Variants in PTGER4 observed in about 807,000 individuals in gnomAD.
PTGER4 encodes the protein prostaglandin E receptor 4, also known as prostaglandin E2 receptor EP4 subtype.
In PTGER4, 11 loss-of-function variants were observed where a neutral mutation model predicts 33.2. The ratio of observed to expected loss-of-function variants is 0.33; its 90% CI spans 0.21 to 0.55. The LOEUF (loss-of-function observed/expected upper bound fraction) is 0.55, where lower values mean the gene tolerates loss of function less well. PTGER4 is among the 20% of genes least tolerant of loss of function. PTGER4 has a pLI of 0.92. For missense variants in PTGER4, 481 were observed against 650.2 expected, an observed-to-expected ratio of 0.74 and a Z score of 2.83; for synonymous variants, 275 against 281.5, an observed-to-expected ratio of 0.98 and a Z score of 0.23.
chr5:40,725,887 G>A, the PTGER4 span, among the ~76,000 whole-genome samples: 17 of 148,754 alleles, frequency 1.1e-4, no homozygotes, highest in African/African-American at 4.2e-4. Context: ...CCAGGTTCAC[G>A]CCATTCTCCT....
the PTGER4 span, among the ~76,000 whole-genome samples, chr5:40,745,162 A>G: frequency 6.6e-6 from 1 of 152,228 alleles, no homozygotes; most frequent in South Asian, 2.1e-4. Context: ...ATAATAACCA[A>G]ATATAATCTG....
At chr5:40,706,333 G>A in the PTGER4 span, among the ~76,000 whole-genome samples, 5 of 152,116 alleles carry the variant, frequency 3.3e-5, no homozygotes, top group Non-Finnish European at 7.4e-5. Flanking sequence ...CCTGAGTGGG[G>A]AGGGTGGCAG....
chr5:40,746,163 A>T, the PTGER4 span, among the ~76,000 whole-genome samples: 4 of 152,152 alleles, frequency 2.6e-5, no homozygotes, highest in African/African-American at 9.7e-5. Flanking sequence ...ATGAAAAATG[A>T]TTTTTGGTCC....
the PTGER4 span, among the ~76,000 whole-genome samples, chr5:40,725,686 T>C: frequency 6.6e-6 from 1 of 152,002 alleles, no homozygotes; most frequent in Non-Finnish European, 1.5e-5. Context: ...TCCTTCCCTC[T>C]CTACCTTCTT....
the PTGER4 span, among the ~76,000 whole-genome samples, chr5:40,700,095 C>G: frequency 6.6e-6 from 1 of 152,196 alleles, no homozygotes; most frequent in African/African-American, 2.4e-5. Context: ...CAAATGAATT[C>G]ATCAAGGCTA....
At chr5:40,738,953 C>T in the PTGER4 span, among the ~76,000 whole-genome samples, 10 of 152,302 alleles carry the variant, frequency 6.6e-5, no homozygotes, top group Middle Eastern at 3.4e-3. Flanking sequence ...ACAAGTCCTA[C>T]GTCAGATATA....
the PTGER4 span, among the ~76,000 whole-genome samples, chr5:40,725,146 C>T: frequency 2.0e-5 from 3 of 150,984 alleles, no homozygotes; most frequent in Non-Finnish European, 4.4e-5. Context: ...CCATGCCCAG[C>T]CAAATTTTTT....
intron 2 of PTGER4, among the ~76,000 whole-genome samples, chr5:40,690,905 G>T (rs1466906707): frequency 6.6e-6 from 1 of 152,192 alleles, no homozygotes; most frequent in African/African-American, 2.4e-5. Context: ...CACTCACATT[G>T]CATTTTTGTA....
chr5:40,732,168 G>T, the PTGER4 span, among the ~76,000 whole-genome samples: 1 of 151,974 alleles, frequency 6.6e-6, no homozygotes, highest in South Asian at 2.1e-4. Context: ...TGCCACTATG[G>T]CCAGCTAATT....
At chr5:40,718,738 GAA>G in the PTGER4 span, among the ~76,000 whole-genome samples, 1 of 138,678 alleles carries the variant, frequency 7.2e-6, no homozygotes. Flanking sequence ...ATTCCGTCTC[GAA>G]AAAAAAAAAA....
the PTGER4 span, among the ~76,000 whole-genome samples, chr5:40,710,247 C>A: frequency 6.6e-6 from 1 of 151,968 alleles, no homozygotes; most frequent in Admixed American, 6.6e-5. Flanking sequence ...ACAAACAACC[C>A]CATCAAAAAG....
chr5:40,742,613 G>A, the PTGER4 span, among the ~76,000 whole-genome samples: 4 of 152,076 alleles, frequency 2.6e-5, no homozygotes, highest in Non-Finnish European at 5.9e-5. Flanking sequence ...AAAGCCTTCT[G>A]TACACAAAAC....
chr5:40,733,814 A>AGGTGTCCCAAG, the PTGER4 span, among the ~76,000 whole-genome samples: 1 of 152,236 alleles, frequency 6.6e-6, no homozygotes, highest in Non-Finnish European at 1.5e-5. Flanking sequence ...CAAGTACGAA[A>AGGTGTCCCAAG]TAAACTAAGA....
rs1353334728 is a variant in PTGER4, at chr5:40,693,274, A to G, written c.*896A>G. ...TTAAAAACATAACATAAATTTTTTG[A>G]AGTCTTTAATAAATAACCCATAATT... On this transcript the variant is annotated 3_prime_UTR_variant, in exon 3 of 3. Transcript: ENST00000302472. The G allele has an allele frequency of 1.0e-6, 1 of 977,258 alleles. No homozygotes were observed. Among genetic ancestry groups the G allele is most frequent in the Non-Finnish European group, 1.2e-6 (1 of 822,348 alleles). 60.5% of individuals were successfully genotyped at this position (977,258 alleles called of 1,614,324 possible).
chr5:40,710,772 T>C, the PTGER4 span, among the ~76,000 whole-genome samples: 1 of 152,158 alleles, frequency 6.6e-6, no homozygotes, highest in Admixed American at 6.6e-5. Flanking sequence ...TTCATGTCCT[T>C]TGTAGGGACA....
the PTGER4 span, among the ~76,000 whole-genome samples, chr5:40,740,677 C>T: frequency 1.3e-5 from 2 of 152,194 alleles, no homozygotes; most frequent in Non-Finnish European, 2.9e-5. Context: ...GTCCAACTTT[C>T]TTTAGATAAT....
chr5:40,692,490 C>G lies in PTGER4; in HGVS notation c.*112C>G, dbSNP rs552458046. On this transcript the variant is annotated 3_prime_UTR_variant, in exon 3 of 3. Transcript: ENST00000302472. ...CAGAAGGGCTATCATCATCCTACAA[C>G]TCACATTAGAGAACATCCTGGCTTT... 5 of 1,489,612 alleles carry G rather than the reference C, an allele frequency of 3.4e-6. No individual in the cohort carries two copies. The African/African-American group carries it at 7.0e-5, about 21-fold the overall frequency. The allele number at this position is 1,489,612 out of a possible 1,614,324, so 92.3% of individuals were successfully genotyped here.
intron 2 of PTGER4, among the ~76,000 whole-genome samples, chr5:40,689,602 C>T (rs1364250200): frequency 2.6e-5 from 4 of 152,046 alleles, no homozygotes; most frequent in Non-Finnish European, 5.9e-5. Context: ...TCGCCTTTTC[C>T]GTTGTGAACT....
the PTGER4 span, chr5:40,714,845 GCTA>G: frequency 3.3e-5 from 5 of 152,122 alleles, no homozygotes; most frequent in Non-Finnish European, 7.4e-5. Flanking sequence ...CATAAAGTGG[GCTA>G]CTTTCATCTC....
Sources: gnomAD v4.1 joint callset for allele counts (sites outside exome capture counted in the v4.1 genomes callset) on GRCh38, gnomAD v4.1.1 for gene constraint, MANE v1.5 for transcripts, NCBI Gene and HGNC (gene_info 2026-07-23, HGNC 2026-07-21) for gene names.